The following PIWIL4 variants were observed in gnomAD, a reference collection of about 807,000 sequenced individuals.
PIWIL4 encodes piwi-like protein 4.
In PIWIL4, 50 loss-of-function variants were observed where a neutral mutation model predicts 100.9. The observed-to-expected ratio is 0.50, with a 90% CI of 0.39 to 0.63. The LOEUF is 0.63. PIWIL4 is among the 20% of genes least tolerant of loss of function. PIWIL4 has a pLI of 0.00. For synonymous variants in PIWIL4, 342 were observed against 367.5 expected, an observed-to-expected ratio of 0.93 and a Z score of 0.79; for missense variants, 887 against 1,043.3, an observed-to-expected ratio of 0.85 and a Z score of 2.06.
chr11:94,575,281 A>G (rs1948222156), intron 3 of PIWIL4, 151 bp downstream of exon 3: 2 of 720,974 alleles, frequency 2.8e-6, no homozygotes, highest in African/African-American at 3.7e-5. Flanking sequence ...TAGACGCTTT[A>G]ATTTTCTAGC....
intron 17 of PIWIL4, among the ~76,000 whole-genome samples, chr11:94,618,372 A>C (rs1948868533): frequency 6.6e-6 from 1 of 152,204 alleles, no homozygotes; most frequent in Admixed American, 6.5e-5. Context: ...AGAGCAGCTG[A>C]CACAGATTCA....
rs187506199 is a variant in PIWIL4 at position 94,591,543 on chromosome 11, A to G, written c.1027-1975A>G. 7.9e-3 allele frequency among the ~76,000 whole-genome samples: 1,197 copies of G among 152,344 alleles called. 16 individuals are homozygous for G. Among genetic ancestry groups the G allele is most frequent in the South Asian group, 0.026 (127 of 4,830 alleles). ...TGTGCATAAAATGTGTTCTGTGTTT[A>G]TTAAACCAACAGTTTGTTAAACATT... On this transcript the variant is annotated intron_variant, in intron 8 of 19. Transcript: ENST00000299001.
In PIWIL4 at chr11:94,585,433, A is replaced by G. The variant is rs370477867; in HGVS notation, c.636-12A>G. 195 of 1,598,198 alleles carry G rather than the reference A, an allele frequency of 1.2e-4. No homozygotes were observed. Among genetic ancestry groups the G allele is most frequent in the Non-Finnish European group, 1.5e-4 (176 of 1,172,056 alleles). On this transcript the variant is annotated splice_polypyrimidine_tract_variant and intron_variant, in intron 5 of 19. Coordinates refer to ENST00000299001, the MANE Select transcript of PIWIL4 (RefSeq NM_152431.3). ...TGATATTTACCAAAAATTCAAAAAA[A>G]TATACTTGCAGGATCCTCAAAAAGT...
At chr11:94,567,890 C>T in intron 1 of PIWIL4, 3 of 926,840 alleles carry the variant, frequency 3.2e-6, no homozygotes, top group Non-Finnish European at 3.9e-6. Context: ...TTCATGATTT[C>T]GTTTTAAATT....
intron 13 of PIWIL4, 141 bp from the exon 14 acceptor site, chr11:94,607,298 T>C: frequency 1.4e-6 from 1 of 697,128 alleles, no homozygotes; most frequent in Non-Finnish European, 2.4e-6. Flanking sequence ...TTAAGAGAAC[T>C]GTAGGCATGT....
At chr11:94,593,292 A>G (rs1948511420) in intron 8 of PIWIL4, among the ~76,000 whole-genome samples, 1 of 152,214 alleles carries the variant, frequency 6.6e-6, no homozygotes, top group African/African-American at 2.4e-5. Context: ...CAGCAGGGAA[A>G]CGATATTTTT....
chr11:94,568,651 T>C (rs764124698), intron 1 of PIWIL4, 79 bp from the exon 2 acceptor site: 52 of 1,114,390 alleles, frequency 4.7e-5, no homozygotes, highest in Non-Finnish European at 6.2e-5. Flanking sequence ...TCTAAAGACC[T>C]GACACTGTTC....
chr11:94,571,796 T>C (rs529602487), intron 2 of PIWIL4, among the ~76,000 whole-genome samples: 1 of 152,246 alleles, frequency 6.6e-6, no homozygotes, highest in Non-Finnish European at 1.5e-5. Context: ...TTTGGGTATA[T>C]ATCCAGTAAT....
chr11:94,577,526 G>A, intron 4 of PIWIL4, 34 bp downstream of exon 4: 1 of 1,533,120 alleles, frequency 6.5e-7, no homozygotes, highest in Non-Finnish European at 8.9e-7. Context: ...CTGTATATGT[G>A]GGTGTGTGTT....
chr11:94,614,047 C>T (rs1204458613), intron 15 of PIWIL4, among the ~76,000 whole-genome samples: 1 of 152,128 alleles, frequency 6.6e-6, no homozygotes, highest in Non-Finnish European at 1.5e-5. Flanking sequence ...TAGGTGTGAA[C>T]CACCAGGCCC....
At chr11:94,586,989 C>T (rs1023172510) in intron 6 of PIWIL4, 61 bp from the exon 7 acceptor site, 13 of 1,355,948 alleles carry the variant, frequency 9.6e-6, no homozygotes, top group African/African-American at 5.9e-5. Context: ...ATTTAAAAAT[C>T]TTTATTGTGT....
chr11:94,610,060 A>G lies in PIWIL4; in HGVS notation c.1943+1374A>G, dbSNP rs546759147. 7.9e-5 allele frequency among the ~76,000 whole-genome samples: 12 copies of G among 152,224 alleles called. No individual in the cohort carries two copies. In the East Asian group the frequency reaches 1.7e-3, roughly 22 times the overall value. On this transcript the variant is annotated intron_variant, in intron 15 of 19. Coordinates refer to ENST00000299001, the MANE Select transcript of PIWIL4 (RefSeq NM_152431.3). ...TTCCTATCCTCTGCCCCTGATAACT[A>G]TCTTCTACTCTCTGTTTCTATGAGT... is the stretch of plus-strand genomic sequence containing the variant.
intron 11 of PIWIL4, among the ~76,000 whole-genome samples, chr11:94,600,634 C>CA (rs748831923): frequency 6.6e-6 from 1 of 152,022 alleles, no homozygotes; most frequent in African/African-American, 2.4e-5. Flanking sequence ...TATCAGGAGA[C>CA]AAGGTTTTGA....
In PIWIL4 at chr11:94,619,880, C is replaced by G; in HGVS notation, c.2289C>G (p.Asn763Lys). ...TTGTGGATTCAGAAGCAACACGTAA[C>G]GAATGGCAAGTGCCGCTGGAAAATC... ...GTVVDSEATR[N>K]EWYDFYLISQ... The change falls in exon 18 of 20, where the codon AAC becomes AAG. Residue 763 changes from asparagine (N) to lysine (K), a missense_variant. This residue lies in a region of PIWIL4 where 741 missense variants were observed against 930.0 expected (regional missense o/e 0.80). Transcript: ENST00000299001. 1 of 1,614,198 alleles carries G rather than the reference C, an allele frequency of 6.2e-7. No homozygotes were observed. The highest frequency in any genetic ancestry group is 8.5e-7 in the Non-Finnish European group (1 of 1,180,018).
rs1233666761 is a variant in PIWIL4 at position 94,589,096 on chromosome 11, T to G, written c.915-25T>G. 4 of 1,545,898 alleles carry G rather than the reference T, an allele frequency of 2.6e-6. No homozygotes were observed. The African/African-American group carries it at 5.5e-5, about 21-fold the overall frequency. On this transcript the variant is annotated intron_variant, in intron 7 of 19. Coordinates refer to ENST00000299001, the MANE Select transcript of PIWIL4 (RefSeq NM_152431.3). Reference sequence around the variant, plus strand: ...CTTATGTTAGATGATTAAAAAACAATTTAAAGACTTTTTATATTTGGCAGA... The same window carrying G: ...CTTATGTTAGATGATTAAAAAACAAGTTAAAGACTTTTTATATTTGGCAGA...
intron 4 of PIWIL4, among the ~76,000 whole-genome samples, chr11:94,580,480 G>A (rs1948296291): frequency 6.6e-6 from 1 of 152,138 alleles, no homozygotes; most frequent in Admixed American, 6.5e-5. Flanking sequence ...CTGTGCACCT[G>A]CAGCCAGACT....
intron 13 of PIWIL4, among the ~76,000 whole-genome samples, chr11:94,605,661 T>C (rs1469955320): frequency 2.0e-5 from 3 of 152,244 alleles, no homozygotes; most frequent in Non-Finnish European, 4.4e-5. Context: ...TTATGATGGT[T>C]AACAAATGAT....
Position 94,618,016 on chromosome 11 carries a change from G to A in PIWIL4, c.2077G>A (p.Ala693Thr). The A allele has an allele frequency of 3.7e-6, 6 of 1,612,726 alleles. No individual in the cohort carries two copies. The highest frequency in any genetic ancestry group is 4.2e-6 in the Non-Finnish European group (5 of 1,179,070). ...DLPARIIVYR[A>T]GVGDGQLKTL... ...GCCAGCACGGATAATTGTGTACCGT[G>A]CTGGTGTAGGGGATGGTCAGCTGAA... Residue 693 changes from alanine to threonine, a missense_variant, in exon 17 of 20, where the codon GCT becomes ACT. Around this residue, in one of 2 missense-constraint regions of PIWIL4, gnomAD observed 741 missense variants for 930.0 expected, o/e 0.80. Coordinates refer to ENST00000299001, the MANE Select transcript of PIWIL4 (RefSeq NM_152431.3).
chr11:94,606,872 A>G (rs538508154), intron 13 of PIWIL4, among the ~76,000 whole-genome samples: 2 of 150,256 alleles, frequency 1.3e-5, no homozygotes, highest in Non-Finnish European at 1.5e-5. Flanking sequence ...AAACTTCTCT[A>G]TCCACCCCCC....
Sources: allele counts gnomAD v4.1 joint callset (sites outside exome capture counted in the v4.1 genomes callset), GRCh38; gene constraint gnomAD v4.1.1; regional missense constraint gnomAD v4.1.1; transcripts MANE v1.5; gene names NCBI Gene and HGNC (gene_info 2026-07-23, HGNC 2026-07-21).